Variants in SSBP2 observed in about 807,000 individuals in gnomAD.
SSBP2 encodes single stranded DNA binding protein 2, also known as single-stranded DNA-binding protein 2.
Under a neutral mutation model 61.8 loss-of-function variants are expected in SSBP2, and 17 were observed. That is an observed-to-expected ratio of 0.28 (90% CI 0.19 to 0.41). The LOEUF (loss-of-function observed/expected upper bound fraction) is 0.41, where lower values mean the gene tolerates loss of function less well. Among genes scored for constraint, SSBP2 ranks in the 10% least tolerant of loss-of-function variants. The pLI is 1.00. For synonymous variants in SSBP2, 139 were observed against 141.3 expected (o/e 0.98, Z 0.12); for missense variants, 310 against 458.7 (o/e 0.68, Z 2.96).
At chr5:81,545,121 A>G (rs1426708393) in intron 4 of SSBP2, among the ~76,000 whole-genome samples, 1 of 152,356 alleles carries the variant, frequency 6.6e-6, no homozygotes, top group Admixed American at 6.5e-5. Flanking sequence ...CAGAGAGCAC[A>G]GCTGAATTTG....
chr5:81,681,288 G>C (rs2153814151), intron 1 of SSBP2, among the ~76,000 whole-genome samples: 1 of 152,230 alleles, frequency 6.6e-6, no homozygotes, highest in East Asian at 1.9e-4. Context: ...GGGAGACCGA[G>C]GAGGGCAGAT....
intron 5 of SSBP2, among the ~76,000 whole-genome samples, chr5:81,498,085 A>G (rs1767425592): frequency 6.6e-6 from 1 of 152,148 alleles, no homozygotes; most frequent in African/African-American, 2.4e-5. Flanking sequence ...AGGTCTCAGA[A>G]ACAACATATT....
At chr5:81,576,425 A>G (rs1774220087) in intron 4 of SSBP2, among the ~76,000 whole-genome samples, 1 of 152,114 alleles carries the variant, frequency 6.6e-6, no homozygotes, top group Non-Finnish European at 1.5e-5. Context: ...TCTCTCAACT[A>G]GTAAATGGTG....
intron 4 of SSBP2, among the ~76,000 whole-genome samples, chr5:81,535,147 G>A (rs1481870227): frequency 6.6e-6 from 1 of 151,786 alleles, no homozygotes; most frequent in East Asian, 1.9e-4. Context: ...AACAAAATTT[G>A]ACATAAAAAA....
intron 12 of SSBP2, among the ~76,000 whole-genome samples, chr5:81,446,196 T>C (rs533315835): frequency 4.6e-5 from 7 of 151,020 alleles, no homozygotes; most frequent in Non-Finnish European, 1.0e-4. Context: ...CATTTTATCA[T>C]AGCATTTTCT....
chr5:81,542,630 CATGGTGAT>C (rs71000843), intron 4 of SSBP2, among the ~76,000 whole-genome samples: 42,011 of 151,252 alleles, frequency 0.28, 6,417 homozygotes, highest in Middle Eastern at 0.39. Flanking sequence ...AGAACAAAGT[CATGGTGAT>C]ATGGTTTGGT....
chr5:81,746,782 T>C (rs1235656428), intron 1 of SSBP2, among the ~76,000 whole-genome samples: 2 of 152,150 alleles, frequency 1.3e-5, no homozygotes, highest in Non-Finnish European at 2.9e-5. Flanking sequence ...TCGGTATATA[T>C]TATGTGTATC....
chr5:81,636,870 C>T (rs1748288134), intron 2 of SSBP2, among the ~76,000 whole-genome samples: 1 of 152,186 alleles, frequency 6.6e-6, no homozygotes, highest in African/African-American at 2.4e-5. Flanking sequence ...TCTAGTCTTT[C>T]AGTTTTAAAT....
chr5:81,613,773 G>A (rs1745693892), intron 4 of SSBP2, among the ~76,000 whole-genome samples: 1 of 152,174 alleles, frequency 6.6e-6, no homozygotes, highest in Non-Finnish European at 1.5e-5. Flanking sequence ...AGGAAAAGAT[G>A]AGATGGGGTA....
chr5:81,464,535 T>G (rs1476289016), intron 9 of SSBP2, among the ~76,000 whole-genome samples: 5 of 152,150 alleles, frequency 3.3e-5, no homozygotes, highest in Non-Finnish European at 7.4e-5. Flanking sequence ...TACTTCCGAA[T>G]GATTTATTCT....
At chr5:81,645,632 T>G (rs569633230) in intron 2 of SSBP2, among the ~76,000 whole-genome samples, 1 of 152,216 alleles carries the variant, frequency 6.6e-6, no homozygotes, top group Non-Finnish European at 1.5e-5. Flanking sequence ...AAAGGATAGC[T>G]TCTAATGAAT....
intron 2 of SSBP2, among the ~76,000 whole-genome samples, chr5:81,649,675 T>C (rs1581249995): frequency 6.6e-6 from 1 of 151,886 alleles, no homozygotes; most frequent in East Asian, 1.9e-4. Flanking sequence ...TTGGCTGCTA[T>C]GCTTACTACC....
At chr5:81,647,831 A>T (rs1180830634) in intron 2 of SSBP2, among the ~76,000 whole-genome samples, 2 of 152,124 alleles carry the variant, frequency 1.3e-5, no homozygotes, top group Non-Finnish European at 2.9e-5. Context: ...TTCTGTATAT[A>T]CATTTTCCAC....
At chr5:81,447,666 AT>A (rs1763491302) in intron 11 of SSBP2, among the ~76,000 whole-genome samples, 1 of 152,202 alleles carries the variant, frequency 6.6e-6, no homozygotes, top group Non-Finnish European at 1.5e-5. Context: ...CCTGCCAATT[AT>A]TTCAGACGAG....
intron 1 of SSBP2, among the ~76,000 whole-genome samples, chr5:81,673,210 A>G (rs1178344969): frequency 6.6e-6 from 1 of 152,214 alleles, no homozygotes; most frequent in Non-Finnish European, 1.5e-5. Flanking sequence ...ATAAAAAGAC[A>G]GTAAGCTAAG....
intron 4 of SSBP2, among the ~76,000 whole-genome samples, chr5:81,602,058 C>A (rs1744419602): frequency 6.6e-6 from 1 of 152,138 alleles, no homozygotes; most frequent in Admixed American, 6.5e-5. Flanking sequence ...AGAGCCCAGT[C>A]CTACTCAGTG....
intron 12 of SSBP2, among the ~76,000 whole-genome samples, chr5:81,446,506 T>A (rs1763410067): frequency 6.6e-6 from 1 of 152,206 alleles, no homozygotes; most frequent in African/African-American, 2.4e-5. Context: ...TTTGGCATTT[T>A]AAACCTAATG....
At chr5:81,423,830 C>T (rs1028094021) in intron 16 of SSBP2, among the ~76,000 whole-genome samples, 1 of 152,122 alleles carries the variant, frequency 6.6e-6, no homozygotes, top group East Asian at 1.9e-4. Flanking sequence ...CTTCATTATA[C>T]TATACGTTGT....
At chr5:81,719,455 G>GT (rs1463053726) in intron 1 of SSBP2, among the ~76,000 whole-genome samples, 2 of 152,176 alleles carry the variant, frequency 1.3e-5, no homozygotes, top group Non-Finnish European at 2.9e-5. Flanking sequence ...AGAAATTCCT[G>GT]TGACAGTGGA....
Sources: allele counts gnomAD v4.1 joint callset (sites outside exome capture counted in the v4.1 genomes callset), GRCh38; gene constraint gnomAD v4.1.1; transcripts MANE v1.5; gene names NCBI Gene and HGNC (gene_info 2026-07-23, HGNC 2026-07-21).